Variants in BANF2 observed in about 807,000 individuals in gnomAD.
BANF2 encodes BANF family member 2.
BANF2 carries 4 observed loss-of-function variants against 8.0 expected under a neutral mutation model. The ratio of observed to expected loss-of-function variants is 0.50; its 90% confidence interval spans 0.25 to 1.14. The LOEUF (loss-of-function observed/expected upper bound fraction) is 1.14, where lower values mean the gene tolerates loss of function less well. Ranked by LOEUF, BANF2 falls within the 50% of genes most tolerant of loss-of-function variation. BANF2 has a pLI of 0.16. For synonymous variants in BANF2, 50 were observed against 40.6 expected (o/e 1.23, Z -0.88); for missense variants, 96 against 107.5 (o/e 0.89, Z 0.47).
intron 1 of BANF2, among the ~76,000 whole-genome samples, chr20:17,700,764 G>C (rs1204700913): frequency 6.6e-6 from 1 of 152,206 alleles, no homozygotes; most frequent in Non-Finnish European, 1.5e-5. Context: ...CCTGCACTCG[G>C]CTGAGGGTGG....
At chr20:17,707,079 G>T (rs2037491164) in intron 1 of BANF2, among the ~76,000 whole-genome samples, 1 of 152,116 alleles carries the variant, frequency 6.6e-6, no homozygotes, top group African/African-American at 2.4e-5. Flanking sequence ...CTTCACCAGG[G>T]ATGCTTTAAA....
At chr20:17,702,272 G>A (rs563559911) in intron 1 of BANF2, among the ~76,000 whole-genome samples, 6 of 152,204 alleles carry the variant, frequency 3.9e-5, no homozygotes, top group South Asian at 2.1e-4. Context: ...CCTCTTGGAC[G>A]TTGCCCTGAT....
intron 1 of BANF2, among the ~76,000 whole-genome samples, chr20:17,706,185 G>A (rs554958060): frequency 9.2e-5 from 14 of 152,326 alleles, no homozygotes; most frequent in East Asian, 5.8e-4. Flanking sequence ...GAAGGGTGAA[G>A]GTTCCTAGAG....
intron 1 of BANF2, among the ~76,000 whole-genome samples, chr20:17,722,512 A>G (rs1236103573): frequency 6.6e-6 from 1 of 152,210 alleles, no homozygotes; most frequent in East Asian, 1.9e-4. Flanking sequence ...CCATAAATCC[A>G]TGGGTGCTGA....
rs549456554 is a variant in BANF2, at chr20:17,701,755, C to T, written c.-167+1700C>T. Among the ~76,000 whole-genome samples, 51 of 152,276 alleles carry T rather than the reference C, an allele frequency of 3.3e-4. 1 individual carries two copies. The South Asian group carries it at 7.5e-3, about 22-fold the overall frequency. ...TGGGAAGAACCATAGAGATCAGCTA[C>T]GGGCCCCAGGTAGGAAAGAGGAACC... On this transcript the variant is annotated intron_variant, in intron 1 of 3. Transcript: ENST00000246090.
At chr20:17,699,164 G>C (rs2037376856), upstream of BANF2, among the ~76,000 whole-genome samples, 1 of 152,098 alleles carries the variant, frequency 6.6e-6, no homozygotes, top group Non-Finnish European at 1.5e-5. Context: ...AAAATTTAGG[G>C]CCACCCAACA....
At chr20:17,720,777 T>A (rs2037717291) in intron 1 of BANF2, among the ~76,000 whole-genome samples, 1 of 152,202 alleles carries the variant, frequency 6.6e-6, no homozygotes. Flanking sequence ...CACTTAAAAA[T>A]GATTGAAATG....
At chr20:17,727,596 C>G (rs374310642) in intron 3 of BANF2, among the ~76,000 whole-genome samples, 4 of 152,024 alleles carry the variant, frequency 2.6e-5, no homozygotes, top group African/African-American at 9.7e-5. Flanking sequence ...GCGGCCCCTC[C>G]GAGATGGGCA....
chr20:17,716,717 TG>T (rs1034104409), intron 1 of BANF2, among the ~76,000 whole-genome samples: 5 of 150,890 alleles, frequency 3.3e-5, no homozygotes, highest in African/African-American at 1.2e-4. Flanking sequence ...GGCATGCATC[TG>T]TGGTCCCAGC....
At chr20:17,719,440 T>C (rs1264692522) in intron 1 of BANF2, among the ~76,000 whole-genome samples, 1 of 152,046 alleles carries the variant, frequency 6.6e-6, no homozygotes, top group Admixed American at 6.6e-5. Context: ...GCCAGGTGCA[T>C]CGTCTTGAAC....
Position 17,704,112 on chromosome 20 carries a change from G to A in BANF2, c.-167+4057G>A, listed in dbSNP as rs181231509. On this transcript the variant is annotated intron_variant, in intron 1 of 3. Coordinates refer to ENST00000246090, the MANE Select transcript of BANF2 (RefSeq NM_178477.5). Reference sequence around the variant, plus strand: ...AGCACCATTTTTATCACCTTCTACCGGGCTAACTAAGCCATAGGGCGAGAG... The same window carrying A: ...AGCACCATTTTTATCACCTTCTACCAGGCTAACTAAGCCATAGGGCGAGAG... Among the ~76,000 whole-genome samples the A allele has an allele frequency of 2.1e-3, 318 of 152,296 alleles. 6 individuals are homozygous for A. Among genetic ancestry groups the A allele is most frequent in the Admixed American group, 0.018 (283 of 15,302 alleles).
At chr20:17,729,869 A>G (rs2037866949) in intron 3 of BANF2, among the ~76,000 whole-genome samples, 1 of 152,174 alleles carries the variant, frequency 6.6e-6, no homozygotes. Context: ...TGTTCTTTGT[A>G]CTTCTCTTCT....
chr20:17,735,684 A>C lies in BANF2; in HGVS notation c.146A>C (p.Gln49Pro). ...CCCCAGGCCTACATCCTGCTGGGAC[A>C]ATTCCTTCTGATGCACAAGAATGAA... ...GINKAYILLG[Q>P]FLLMHKNEAE... Residue 49 changes from glutamine (Q) to proline (P), a missense_variant, in exon 4 of 4, where the codon CAA becomes CCA. By Grantham distance (76) the Gln-to-Pro change is moderately conservative. Coordinates refer to ENST00000246090, the MANE Select transcript of BANF2 (RefSeq NM_178477.5). 6.2e-7 allele frequency: 1 copy of C among 1,613,956 alleles called. No homozygotes were observed. The highest frequency in any genetic ancestry group is 8.5e-7 in the Non-Finnish European group (1 of 1,179,880).
In BANF2 at chr20:17,700,689, C is replaced by T. The variant is rs140449414; in HGVS notation, c.-167+634C>T. On this transcript the variant is annotated intron_variant, in intron 1 of 3. Coordinates refer to ENST00000246090, the MANE Select transcript of BANF2 (RefSeq NM_178477.5). ...GGAAAGTGGGCAAAATCTAAGGTAG[C>T]GGGGACAGGGACAGAGGCCAAAGCC... Among the ~76,000 whole-genome samples, 38 of 152,220 alleles carry T rather than the reference C, an allele frequency of 2.5e-4. No homozygotes were observed. In the East Asian group the frequency reaches 2.9e-3, roughly 12 times the overall value.
intron 1 of BANF2, among the ~76,000 whole-genome samples, chr20:17,707,273 C>A (rs1398807841): frequency 6.6e-6 from 1 of 151,332 alleles, no homozygotes; most frequent in Non-Finnish European, 1.5e-5. Flanking sequence ...GCAGTCCCAG[C>A]TACTGAGGCT....
At chr20:17,726,450 A>T (rs568742432) in intron 3 of BANF2, among the ~76,000 whole-genome samples, 1 of 152,330 alleles carries the variant, frequency 6.6e-6, no homozygotes, top group Non-Finnish European at 1.5e-5. Context: ...GGCCTCCCAA[A>T]GTGCTAAGAT....
intron 3 of BANF2, among the ~76,000 whole-genome samples, chr20:17,727,588 G>A (rs370771806): frequency 2.0e-5 from 3 of 152,190 alleles, no homozygotes; most frequent in East Asian, 3.9e-4. Flanking sequence ...ACCCAGATGC[G>A]GCCCCTCCGA....
intron 3 of BANF2, among the ~76,000 whole-genome samples, chr20:17,725,627 A>G (rs2037798142): frequency 6.6e-6 from 1 of 152,246 alleles, no homozygotes; most frequent in Non-Finnish European, 1.5e-5. Flanking sequence ...CAGCCCAAGA[A>G]TGACCTCAAG....
intron 3 of BANF2, among the ~76,000 whole-genome samples, chr20:17,733,110 G>T (rs1354529465): frequency 1.3e-5 from 2 of 152,232 alleles, no homozygotes; most frequent in African/African-American, 4.8e-5. Flanking sequence ...AGTTTGCCCA[G>T]GGTCCACATG....
Sources: allele counts gnomAD v4.1 joint callset (sites outside exome capture counted in the v4.1 genomes callset), GRCh38; gene constraint gnomAD v4.1.1; transcripts MANE v1.5; gene names NCBI Gene and HGNC (gene_info 2026-07-23, HGNC 2026-07-21).